Variants in SLC27A1 observed in about 807,000 individuals in gnomAD.
SLC27A1 encodes long-chain fatty acid transport protein 1.
Under a neutral mutation model 62.2 loss-of-function variants are expected in SLC27A1, and 61 were observed. The observed-to-expected ratio is 0.98, with a 90% confidence interval of 0.80 to 1.21. The LOEUF (loss-of-function observed/expected upper bound fraction) is 1.21, where lower values mean the gene tolerates loss of function less well. Ranked by LOEUF, SLC27A1 falls within the 50% of genes most tolerant of loss-of-function variation. The pLI is 0.00. For missense variants in SLC27A1, 903 were observed against 932.1 expected (o/e 0.97, Z 0.41); for synonymous variants, 435 against 408.6 (o/e 1.06, Z -0.78).
At chr19:17,495,283 ATT>A (rs71874067) in intron 6 of SLC27A1, 6 of 129,898 alleles carry the variant, frequency 4.6e-5, no homozygotes, top group East Asian at 2.4e-4. Context: ...CCATGTGCCC[ATT>A]TTTTTTTTTT....
intron 6 of SLC27A1, among the ~76,000 whole-genome samples, chr19:17,493,427 C>CAAAAAAAAAAAAAA (rs769247313): frequency 1.4e-5 from 1 of 72,032 alleles, no homozygotes; most frequent in Non-Finnish European, 2.3e-5. Flanking sequence ...AACTCCATCT[C>CAAAAAAAAAAAAAA]AAAAAAAAAA....
chr19:17,473,334 C>A (rs2075094370), intron 1 of SLC27A1, among the ~76,000 whole-genome samples: 1 of 152,198 alleles, frequency 6.6e-6, no homozygotes, highest in South Asian at 2.1e-4. Context: ...CCCCTTCCTC[C>A]TAACAGCAAG....
At chr19:17,475,752 C>T (rs1416230024) in intron 1 of SLC27A1, among the ~76,000 whole-genome samples, 1 of 152,200 alleles carries the variant, frequency 6.6e-6, no homozygotes, top group Non-Finnish European at 1.5e-5. Flanking sequence ...TCCTAACATG[C>T]CCTGTACTTC....
chr19:17,481,372 A>G (rs1322802996), intron 1 of SLC27A1, among the ~76,000 whole-genome samples: 1 of 139,458 alleles, frequency 7.2e-6, no homozygotes, highest in African/African-American at 2.7e-5. Context: ...GCTGGAGTGC[A>G]GTGGCGCAAT....
At chr19:17,494,973 T>G (rs1440704815) in intron 6 of SLC27A1, among the ~76,000 whole-genome samples, 5 of 70,572 alleles carry the variant, frequency 7.1e-5, no homozygotes, top group Non-Finnish European at 1.3e-4. Context: ...TAAAAATCCT[T>G]GCCTTTTTTT....
rs2075475505 is a variant in SLC27A1 at position 17,505,933 on chromosome 19, A to T, written c.*1321A>T. ...TGGCGATGTCCCAGACAATCCCACCAGGACGGCCCAGACATCCCTACTGGC... is the reference window on the plus strand; with the variant it reads ...TGGCGATGTCCCAGACAATCCCACCTGGACGGCCCAGACATCCCTACTGGC... On this transcript the variant is annotated 3_prime_UTR_variant, in exon 12 of 12. Transcript: ENST00000252595. 1 of 152,220 alleles carries T rather than the reference A, an allele frequency of 6.6e-6. No individual in the cohort carries two copies. Among genetic ancestry groups the T allele is most frequent in the African/African-American group, 2.4e-5 (1 of 41,442 alleles). 9.4% of individuals were successfully genotyped at this position (152,220 alleles called of 1,614,324 possible). A position where few individuals can be genotyped will look rare whatever the true frequency, so the allele number is the denominator to read the frequency against.
intron 1 of SLC27A1, among the ~76,000 whole-genome samples, chr19:17,474,288 C>T (rs1454389427): frequency 2.0e-5 from 3 of 152,180 alleles, no homozygotes; most frequent in East Asian, 3.8e-4. Flanking sequence ...AGACTGTGGG[C>T]CCTATAGGGG....
intron 7 of SLC27A1, chr19:17,497,851 C>CAA: frequency 4.0e-6 from 1 of 251,556 alleles, no homozygotes; most frequent in Non-Finnish European, 7.7e-6. Context: ...GCTCTGTCGC[C>CAA]CAGGCTGGAG....
intron 11 of SLC27A1, among the ~76,000 whole-genome samples, chr19:17,502,196 G>A (rs1007597024): frequency 6.6e-6 from 1 of 152,052 alleles, no homozygotes; most frequent in Non-Finnish European, 1.5e-5. Flanking sequence ...TCCTAGTTCA[G>A]GACAGTGTCC....
At chr19:17,497,812 T>G (rs894912398) in intron 7 of SLC27A1, 22 of 295,676 alleles carry the variant, frequency 7.4e-5, no homozygotes, top group Non-Finnish European at 1.3e-4. Flanking sequence ...GTGCTGTTAT[T>G]TTGTTGTTGT....
At chr19:17,475,535 G>A (rs955836666) in intron 1 of SLC27A1, among the ~76,000 whole-genome samples, 1 of 152,008 alleles carries the variant, frequency 6.6e-6, no homozygotes, top group Non-Finnish European at 1.5e-5. Context: ...ACTCTGTCTT[G>A]AAAAATGAAG....
chr19:17,487,196 T>A lies in SLC27A1; in HGVS notation c.585T>A (p.His195Gln). Residue 195 changes from histidine to glutamine, a missense_variant, in exon 3 of 12, where the codon CAT becomes CAA. His to Gln is a conservative substitution (Grantham distance 24, BLOSUM62 0). Transcript: ENST00000252595. Reference sequence around the variant, plus strand: ...CAGCGGTGGCCGAAGTGAGCGGGCATCTGGGGAAAAGTTTGATCAAGTTCT... The same window carrying A: ...CAGCGGTGGCCGAAGTGAGCGGGCAACTGGGGAAAAGTTTGATCAAGTTCT... ...MVAAVAEVSGHLGKSLIKFCS... is the reference protein window; with the variant it reads ...MVAAVAEVSGQLGKSLIKFCS... The A allele has an allele frequency of 6.2e-7, 1 of 1,614,012 alleles. No individual in the cohort carries two copies. The highest frequency in any genetic ancestry group is 8.5e-7 in the Non-Finnish European group (1 of 1,179,978).
chr19:17,504,356 A>C, intron 11 of SLC27A1, 99 bp from the exon 12 acceptor site: 1 of 1,405,924 alleles, frequency 7.1e-7, no homozygotes, highest in Non-Finnish European at 9.9e-7. Context: ...CCCAGGGGAC[A>C]GCCTGTGGGA....
chr19:17,489,367 T>TGGGGA (rs1454791996), intron 6 of SLC27A1, among the ~76,000 whole-genome samples: 14 of 151,734 alleles, frequency 9.2e-5, no homozygotes, highest in Non-Finnish European at 1.6e-4. Flanking sequence ...AGGGGTGGGG[T>TGGGGA]GGGGAGCGGG....
rs1471323708 is a variant in SLC27A1, at chr19:17,502,355, T to G, written c.1783+936T>G. 4.0e-3 allele frequency among the ~76,000 whole-genome samples: 447 copies of G among 112,962 alleles called. 16 individuals carry two copies. In the East Asian group the frequency reaches 0.087, roughly 22 times the overall value. 74.1% of individuals were successfully genotyped at this position (112,962 alleles called of 152,430 possible). On this transcript the variant is annotated intron_variant, in intron 11 of 11. Coordinates refer to ENST00000252595, the MANE Select transcript of SLC27A1 (RefSeq NM_198580.3). ...ATAGTGTTTTTTTTGTTTTTTTTTTTTTTTTTTTTTTTTTGAGATGGAGTC... is the reference window on the plus strand; with the variant it reads ...ATAGTGTTTTTTTTGTTTTTTTTTTGTTTTTTTTTTTTTTGAGATGGAGTC...
Position 17,504,674 on chromosome 19 carries a change from A to G in SLC27A1, c.*62A>G. The G allele has an allele frequency of 5.6e-6, 9 of 1,605,102 alleles. No individual in the cohort carries two copies. Among genetic ancestry groups the G allele is most frequent in the Non-Finnish European group, 7.7e-6 (9 of 1,175,914 alleles). Reference sequence around the variant, plus strand: ...TGGGAGAGGCCAGCTTGAGCCAGACAGCGCTGCCCAGGGGTGGCCGCCTAG... The same window carrying G: ...TGGGAGAGGCCAGCTTGAGCCAGACGGCGCTGCCCAGGGGTGGCCGCCTAG... On this transcript the variant is annotated 3_prime_UTR_variant, in exon 12 of 12. Coordinates refer to ENST00000252595, the MANE Select transcript of SLC27A1 (RefSeq NM_198580.3).
At chr19:17,500,122 G>A (rs1359127905) in intron 7 of SLC27A1, among the ~76,000 whole-genome samples, 156 bp from the exon 8 acceptor site, 8 of 152,192 alleles carry the variant, frequency 5.3e-5, no homozygotes, top group Non-Finnish European at 7.3e-5. Context: ...TGGAGGCGAC[G>A]CTTACTACCC....
chr19:17,472,862 C>T (rs1254096149), intron 1 of SLC27A1, among the ~76,000 whole-genome samples: 1 of 151,960 alleles, frequency 6.6e-6, no homozygotes, highest in African/African-American at 2.4e-5. Context: ...TCTCTGTTGC[C>T]CAGGGTGGAC....
In SLC27A1 at chr19:17,501,365, G is replaced by A. The variant is rs774138959; in HGVS notation, c.1729G>A (p.Ala577Thr). 1 of 1,613,802 alleles carries A rather than the reference G, an allele frequency of 6.2e-7. No homozygotes were observed. Among genetic ancestry groups the A allele is most frequent in the Admixed American group, 1.7e-5 (1 of 59,988 alleles). Residue 577 changes from alanine (A) to threonine (T), a missense_variant, in exon 11 of 12, where the codon GCA (alanine) becomes ACA (threonine). Coordinates refer to ENST00000252595, the MANE Select transcript of SLC27A1 (RefSeq NM_198580.3). ...ATACCAGGAGCTGCAGAAGGTGCTG[G>A]CACCCTATGCCCGGCCCATCTTCCT... ...AIYQELQKVL[A>T]PYARPIFLRL...
Sources: allele counts gnomAD v4.1 joint callset (sites outside exome capture counted in the v4.1 genomes callset), GRCh38; gene constraint gnomAD v4.1.1; transcripts MANE v1.5; gene names NCBI Gene and HGNC (gene_info 2026-07-23, HGNC 2026-07-21).